NPHS1: variants seen among roughly 807,000 people sequenced by gnomAD.
NPHS1 encodes the protein nephrin.
A neutral mutation model predicts 139.7 loss-of-function variants in NPHS1; 107 were observed. That is an observed-to-expected ratio of 0.77 (90% CI 0.66 to 0.90). NPHS1 has a LOEUF of 0.90. Among genes scored for constraint, NPHS1 ranks in the 40% least tolerant of loss-of-function variants. The pLI is 0.00. For synonymous variants in NPHS1, 707 were observed against 706.6 expected, an observed-to-expected ratio of 1.00 and a Z score of -0.01; for missense variants, 1,580 against 1,654.2, an observed-to-expected ratio of 0.96 and a Z score of 0.78.
Position 35,848,672 on chromosome 19 carries a change from G to T in NPHS1, c.1135C>A (p.Arg379=), listed in dbSNP as rs386833871. The T allele has an allele frequency of 2.5e-6, 4 of 1,613,880 alleles. No homozygotes were observed. In the South Asian group the frequency reaches 4.4e-5, roughly 18 times the overall value. ...RVLLRWWLGW[R]QLLPMEETVM... ...GTCTCCTCCATGGGCAGCAGCTGCCGCCAGCCCAGCCACCATCGTAGCAGA... is the reference window on the plus strand; with the variant it reads ...GTCTCCTCCATGGGCAGCAGCTGCCTCCAGCCCAGCCACCATCGTAGCAGA... Residue 379 remains arginine (R), a synonymous_variant, in exon 9 of 29, where the codon CGG becomes AGG. Coordinates refer to ENST00000378910, the MANE Select transcript of NPHS1 (RefSeq NM_004646.4).
In NPHS1 at chr19:35,830,875, G is replaced by T. The variant is rs770409547; in HGVS notation, c.3563C>A (p.Ala1188Asp). ...CACTTCATCGTAGAGGGGTCCCCAG[G>T]CTCCAGACGGGGGGTACGTTCTTTC... ...EVERTYPPSG[A>D]WGPLYDEVQM... Residue 1188 changes from alanine (A) to aspartate (D), a missense_variant, in exon 28 of 29, where the codon GCC (alanine) becomes GAC (aspartate). Transcript: ENST00000378910. 1 of 1,612,644 alleles carries T rather than the reference G, an allele frequency of 6.2e-7. No homozygotes were observed.
chr19:35,829,130 C>G (rs1352776074), intron 28 of NPHS1, among the ~76,000 whole-genome samples: 2 of 152,250 alleles, frequency 1.3e-5, no homozygotes, highest in African/African-American at 4.8e-5. Flanking sequence ...TGTCCCTCTC[C>G]TACTCTCAGC....
rs1167464212 is a variant in NPHS1 at position 35,848,689 on chromosome 19, C to A, written c.1118G>T (p.Arg373Leu). The A allele has an allele frequency of 6.2e-7, 1 of 1,614,112 alleles. No individual in the cohort carries two copies. Among genetic ancestry groups the A allele is most frequent in the Admixed American group, 1.7e-5 (1 of 60,026 alleles). ...SKSSRPRVLLRWWLGWRQLLP... is the reference protein window; with the variant it reads ...SKSSRPRVLLLWWLGWRQLLP... Reference sequence around the variant, plus strand: ...CAGCTGCCGCCAGCCCAGCCACCATCGTAGCAGAACCCGCGGGCGACTGGA... The same window carrying A: ...CAGCTGCCGCCAGCCCAGCCACCATAGTAGCAGAACCCGCGGGCGACTGGA... The change falls in exon 9 of 29, where the codon CGA becomes CTA. Residue 373 changes from arginine (R) to leucine (L), a missense_variant. Physicochemically the swap from Arg to Leu is moderately radical, Grantham distance 102. Transcript: ENST00000378910.
Position 35,843,357 on chromosome 19 carries a change from G to T in NPHS1, c.2334+115C>A. The T allele has an allele frequency of 2.3e-6, 3 of 1,295,238 alleles. No individual in the cohort carries two copies. In the South Asian group the frequency reaches 3.6e-5, roughly 15 times the overall value. 80.2% of individuals were successfully genotyped at this position (1,295,238 alleles called of 1,614,324 possible). A position where few individuals can be genotyped will look rare whatever the true frequency, so the allele number is the denominator to read the frequency against. ...TCATTCTGGGAGCATGCCCTGGCGA[G>T]TATATAGTTATAAGGGTCATACAGA... On this transcript the variant is annotated intron_variant, in intron 17 of 28. Transcript: ENST00000378910.
At chr19:35,850,309 GT>G (rs1393632478) in intron 5 of NPHS1, 54 bp downstream of exon 5, 1 of 1,422,602 alleles carries the variant, frequency 7.0e-7, no homozygotes, top group Non-Finnish European at 9.9e-7. Context: ...GGGGTCTGGG[GT>G]TCCCATGGGG....
At chr19:35,826,979 TA>T (rs1972807833) in intron 28 of NPHS1, among the ~76,000 whole-genome samples, 1 of 151,918 alleles carries the variant, frequency 6.6e-6, no homozygotes, top group Admixed American at 6.6e-5. Context: ...CTACAAAAAA[TA>T]ATTTTATTTT....
chr19:35,843,837 G>C, intron 16 of NPHS1: 2 of 647,076 alleles, frequency 3.1e-6, no homozygotes, highest in Non-Finnish European at 5.3e-6. Flanking sequence ...GTGTGTAGCA[G>C]GGCTTATACA....
intron 22 of NPHS1, 86 bp downstream of exon 22, chr19:35,839,151 A>G: frequency 7.6e-7 from 1 of 1,322,272 alleles, no homozygotes; most frequent in Non-Finnish European, 1.1e-6. Context: ...GTAACTCATC[A>G]TAAAAGGGGA....
At chr19:35,847,343 C>CTT in intron 11 of NPHS1, among the ~76,000 whole-genome samples, 2 of 116,238 alleles carry the variant, frequency 1.7e-5, no homozygotes, top group African/African-American at 3.9e-5. Context: ...CTGTGCCCAG[C>CTT]CTTTTTTTTT....
chr19:35,835,786 GA>G (rs1568450649), intron 22 of NPHS1, 25 bp from the exon 23 acceptor site: 1 of 1,600,182 alleles, frequency 6.2e-7, no homozygotes, highest in Admixed American at 1.7e-5. Flanking sequence ...TACAGATTGT[GA>G]CTTAACACTA....
intron 22 of NPHS1, among the ~76,000 whole-genome samples, chr19:35,838,621 G>T (rs1973010746): frequency 6.6e-6 from 1 of 151,796 alleles, no homozygotes; most frequent in Non-Finnish European, 1.5e-5. Flanking sequence ...AGGCCAAGGT[G>T]AGTGGATCAC....
intron 20 of NPHS1, among the ~76,000 whole-genome samples, chr19:35,840,852 CTT>C (rs746031842): frequency 1.8e-4 from 23 of 128,340 alleles, no homozygotes; most frequent in Non-Finnish European, 2.7e-4. Flanking sequence ...TCACGCCCGG[CTT>C]TTTTTTTTTT....
intron 28 of NPHS1, among the ~76,000 whole-genome samples, chr19:35,828,549 C>T (rs1972831124): frequency 6.6e-6 from 1 of 152,204 alleles, no homozygotes; most frequent in African/African-American, 2.4e-5. Context: ...TAGGCATGAG[C>T]CACCGTGCCC....
intron 22 of NPHS1, among the ~76,000 whole-genome samples, chr19:35,837,105 T>C (rs1370939137): frequency 2.0e-5 from 3 of 151,710 alleles, no homozygotes; most frequent in Non-Finnish European, 4.4e-5. Flanking sequence ...CTGTGCTATA[T>C]ATTTTTAGAA....
At chr19:35,841,603 A>G (rs969856384) in intron 20 of NPHS1, 112 bp downstream of exon 20, 39 of 1,272,430 alleles carry the variant, frequency 3.1e-5, no homozygotes, top group Non-Finnish European at 4.3e-5. Context: ...CCATCCTCAC[A>G]CATACACAGA....
chr19:35,845,508 G>T lies in NPHS1; in HGVS notation c.1790C>A (p.Ala597Asp), dbSNP rs548304892. The change falls in exon 14 of 29, where the codon GCC (alanine) becomes GAC (aspartate). Residue 597 changes from alanine (A) to aspartate (D), a missense_variant. Ala to Asp is a moderately radical substitution (Grantham distance 126, BLOSUM62 -2). Transcript: ENST00000378910. The surrounding 1 kb of genome is among the most constrained non-coding windows in gnomAD (Gnocchi z 5.5). ...GGCGGCGGCGGAGCCTTTGAATGGG[G>T]CTCTCCGGGGTGGGGCGGCCACGCC... ...LEGVAAPPRR[A>D]PFKGSAAARS... The T allele has an allele frequency of 1.9e-4, 313 of 1,611,228 alleles. No homozygotes were observed. Among genetic ancestry groups the T allele is most frequent in the Non-Finnish European group, 2.4e-4 (286 of 1,179,112 alleles).
Position 35,841,865 on chromosome 19 carries a change from A to G in NPHS1, c.2665T>C (p.Tyr889His), listed in dbSNP as rs1973061080. The change falls in exon 20 of 29, where the codon TAC becomes CAC. Residue 889 changes from tyrosine (Y) to histidine (H), a missense_variant and splice_region_variant. Transcript: ENST00000378910. ...CCCTGGTGGTATGTGTGCTCCGTGT[A>G]CCTAGAGAGAAGGTAGGGCACCACT... is the stretch of plus-strand genomic sequence containing the variant. ...GVPLDLQDPR[Y>H]TEHTYHQGGV... The G allele has an allele frequency of 6.2e-7, 1 of 1,608,202 alleles. No individual in the cohort carries two copies. Among genetic ancestry groups the G allele is most frequent in the Admixed American group, 1.7e-5 (1 of 58,770 alleles).
chr19:35,851,972 T>G lies in NPHS1; in HGVS notation c.-135A>C. ...TATCTCTTTCCGTTACTCTCCTCCC[T>G]TTCTCGTTTTCCTCTTCCCCTCTTC... On this transcript the variant is annotated 5_prime_UTR_variant, in exon 1 of 29. Coordinates refer to ENST00000378910, the MANE Select transcript of NPHS1 (RefSeq NM_004646.4). 1.3e-6 allele frequency: 1 copy of G among 745,142 alleles called. No individual in the cohort carries two copies. Among genetic ancestry groups the G allele is most frequent in the Non-Finnish European group, 2.3e-6 (1 of 427,464 alleles). 46.2% of individuals were successfully genotyped at this position (745,142 alleles called of 1,614,324 possible). A position where few individuals can be genotyped will look rare whatever the true frequency, so the allele number is the denominator to read the frequency against.
At chr19:35,836,472 C>A (rs1324672604) in intron 22 of NPHS1, among the ~76,000 whole-genome samples, 1 of 151,994 alleles carries the variant, frequency 6.6e-6, no homozygotes, top group Non-Finnish European at 1.5e-5. Flanking sequence ...TCCTTTTCAC[C>A]CGAATTATCA....
Sources: gnomAD v4.1 joint callset for allele counts (sites outside exome capture counted in the v4.1 genomes callset) on GRCh38, gnomAD v4.1.1 for gene constraint, Gnocchi (gnomAD v3.1) non-coding constraint, MANE v1.5 for transcripts, NCBI Gene and HGNC (gene_info 2026-07-23, HGNC 2026-07-21) for gene names.